TTN: variants seen among roughly 807,000 people sequenced by gnomAD.
TTN encodes the protein connectin.
Under a neutral mutation model 3,223.0 loss-of-function variants are expected in TTN, and 1,525 were observed. The observed-to-expected ratio is 0.47, with a 90% CI of 0.45 to 0.49. The LOEUF (loss-of-function observed/expected upper bound fraction) is 0.49, where lower values mean the gene tolerates loss of function less well. Among genes scored for constraint, TTN ranks in the 20% least tolerant of loss-of-function variants. The pLI is 0.00. For missense variants in TTN, 40,786 were observed against 43,424.0 expected, an observed-to-expected ratio of 0.94 and a Z score of 5.40; for synonymous variants, 14,094 against 15,161.0, an observed-to-expected ratio of 0.93 and a Z score of 5.17.
Position 178,728,761 on chromosome 2 carries a change from C to G in TTN, c.19165G>C (p.Glu6389Gln), listed in dbSNP as rs1256437537. 2.5e-6 allele frequency: 4 copies of G among 1,600,910 alleles called. No individual in the cohort carries two copies. The highest frequency in any genetic ancestry group is 2.2e-5 in the East Asian group (1 of 44,526). ...LLVQEPAQIV[E>Q]KAKSVDVTEK... ...GTAACATCAACTGATTTAGCTTTCT[C>G]TACGATTTGAGCTGGTTCTGTAGTA... The change falls in exon 66 of 363, where the codon GAG becomes CAG. Residue 6389 changes from glutamate to glutamine, a missense_variant. By Grantham distance (29) the Glu-to-Gln change is conservative. Transcript: ENST00000589042.
intron 66 of TTN, 21 bp downstream of exon 66, chr2:178,728,479 G>T: frequency 6.3e-7 from 1 of 1,594,124 alleles, no homozygotes; most frequent in Non-Finnish European, 8.6e-7. Flanking sequence ...AAGGGAAGCT[G>T]ACTGGGGTGA....
intron 38 of TTN, 133 bp from the exon 39 acceptor site, chr2:178,768,288 A>T: frequency 2.5e-6 from 3 of 1,193,604 alleles, no homozygotes; most frequent in Non-Finnish European, 2.4e-6. Context: ...TGTAGCCATC[A>T]CCATAATTTT....
intron 165 of TTN, 66 bp from the exon 166 acceptor site, chr2:178,664,992 A>G: frequency 6.6e-7 from 1 of 1,504,774 alleles, no homozygotes; most frequent in Non-Finnish European, 9.0e-7. Flanking sequence ...TAACCACAAT[A>G]AGTTAGGAAA....
In TTN at chr2:178,561,102, C is replaced by T. The variant is rs757065143; in HGVS notation, c.85030G>A (p.Gly28344Arg). 1 of 1,613,730 alleles carries T rather than the reference C, an allele frequency of 6.2e-7. No homozygotes were observed. Among genetic ancestry groups the T allele is most frequent in the Non-Finnish European group, 8.5e-7 (1 of 1,179,830 alleles). Residue 28344 changes from glycine (G) to arginine (R), a missense_variant, in exon 326 of 363, where the codon GGG becomes AGG. By Grantham distance (125) the Gly-to-Arg change is moderately radical. Transcript: ENST00000589042. ...ACATCATCTTTAACTATAATAGGCC[C>T]AGTGGATTCAGATGGCTCACTAACT... ...DSVSEPSEST[G>R]PIIVKDDVEP...
intron 122 of TTN, 21 bp from the exon 123 acceptor site, chr2:178,689,616 A>G: frequency 6.3e-7 from 1 of 1,579,286 alleles, no homozygotes; most frequent in Non-Finnish European, 8.6e-7. Context: ...CATTTTTAGA[A>G]TTGACTTTAT....
In TTN at chr2:178,740,032, G is replaced by T; in HGVS notation, c.13201C>A (p.Arg4401=). Residue 4401 remains arginine (R), a synonymous_variant, in exon 48 of 363, where the codon CGG becomes AGG. Coordinates refer to ENST00000589042, the MANE Select transcript of TTN (RefSeq NM_001267550.2). The stretch of plus-strand genomic sequence containing the variant: ...CTGGCCACGGCTGCTTGCAAAGCCC[G>T]GCAGATTTGAATTTTCAGGTTTAAT... ...QRLNLKIQIC[R]ALQAAVASEQ... 6.2e-7 allele frequency: 1 copy of T among 1,613,812 alleles called. No individual in the cohort carries two copies. Among genetic ancestry groups the T allele is most frequent in the South Asian group, 1.1e-5 (1 of 91,078 alleles).
chr2:178,693,844 CAA>C, intron 118 of TTN, 76 bp downstream of exon 118: 1 of 1,342,860 alleles, frequency 7.4e-7, no homozygotes, highest in South Asian at 1.3e-5. Context: ...TACACGATCA[CAA>C]ATTAGACAAC....
rs2053509362 is a variant in TTN at position 178,601,751 on chromosome 2, G to C, written c.55339C>G (p.Pro18447Ala). The C allele has an allele frequency of 1.9e-6, 3 of 1,608,218 alleles. No homozygotes were observed. The highest frequency in any genetic ancestry group is 2.7e-5 in the African/African-American group (2 of 74,478). ...TAENSSVIII[P>A]ECKRSHTGKY... ...CCTGTATGAGATCGTTTACACTCCGGAATAATAATTACTGAGGAGTTTTCA... is the reference window on the plus strand; with the variant it reads ...CCTGTATGAGATCGTTTACACTCCGCAATAATAATTACTGAGGAGTTTTCA... Residue 18447 changes from proline (P) to alanine (A), a missense_variant, in exon 286 of 363, where the codon CCG becomes GCG. Coordinates refer to ENST00000589042, the MANE Select transcript of TTN (RefSeq NM_001267550.2).
rs1477808512 is a variant in TTN at position 178,800,666 on chromosome 2, GGGT to G, written c.309_311del (p.Pro104del). On this transcript the variant is annotated inframe_deletion, in exon 4 of 363. Coordinates refer to ENST00000589042, the MANE Select transcript of TTN (RefSeq NM_001267550.2). ...TGCTCTGCAGTCGTTGAACGAAGTT[GGGT>G]GGTGCTGTCTCAGCTGCGGGGACAA... 1 of 1,609,294 alleles carries G rather than the reference GGGT, an allele frequency of 6.2e-7. No individual in the cohort carries two copies. The highest frequency in any genetic ancestry group is 1.7e-5 in the Admixed American group (1 of 59,730).
In TTN at chr2:178,775,113, C is replaced by T. The variant is rs1378587847; in HGVS notation, c.6598G>A (p.Glu2200Lys). 6.2e-6 allele frequency: 10 copies of T among 1,614,016 alleles called. No individual in the cohort carries two copies. The Middle Eastern group carries it at 6.6e-4, about 107-fold the overall frequency. Residue 2200 changes from glutamate to lysine, a missense_variant, in exon 29 of 363, where the codon GAA (glutamate) becomes AAA (lysine). Glu to Lys is a moderately conservative substitution (Grantham distance 56, BLOSUM62 1). Coordinates refer to ENST00000589042, the MANE Select transcript of TTN (RefSeq NM_001267550.2). Reference sequence around the variant, plus strand: ...TACCATTTCACTTTGACAAATGGTTCTGAAGTTTCACATTCAAAGGTTGCC... The same window carrying T: ...TACCATTTCACTTTGACAAATGGTTTTGAAGTTTCACATTCAAAGGTTGCC... Reference protein sequence around the residue: ...TMATFECETSEPFVKVKWYKD... With the variant: ...TMATFECETSKPFVKVKWYKD...
At position 178,588,216 on chromosome 2, in the gene TTN, G is replaced by A; in HGVS notation, c.63191C>T (p.Pro21064Leu). Residue 21064 changes from proline (P) to leucine (L), a missense_variant, in exon 305 of 363, where the codon CCA becomes CTA. Physicochemically the swap from Pro to Leu is moderately conservative, Grantham distance 98. Transcript: ENST00000589042. Reference sequence around the variant, plus strand: ...TCTGAAATTGGTTGGTGGACCAGGTGGCTCTGAAAGTAAAATATACATATA... The same window carrying A: ...TCTGAAATTGGTTGGTGGACCAGGTAGCTCTGAAAGTAAAATATACATATA... ...RPVVAKDPIEPPGPPTNFRVV... is the reference protein window; with the variant it reads ...RPVVAKDPIELPGPPTNFRVV... The A allele has an allele frequency of 6.4e-7, 1 of 1,560,874 alleles. No homozygotes were observed. Among genetic ancestry groups the A allele is most frequent in the Non-Finnish European group, 8.7e-7 (1 of 1,150,772 alleles).
chr2:178,599,545 A>T lies in TTN; in HGVS notation c.56347+9T>A. 6.5e-7 allele frequency: 1 copy of T among 1,539,048 alleles called. No individual in the cohort carries two copies. Among genetic ancestry groups the T allele is most frequent in the South Asian group, 1.3e-5 (1 of 76,812 alleles). On this transcript the variant is annotated intron_variant, in intron 289 of 362. Coordinates refer to ENST00000589042, the MANE Select transcript of TTN (RefSeq NM_001267550.2). ...ACAAGTAATTTTAACCAAACCATGC[A>T]GTCTTTACCCAGGACATTCAGTCTC...
rs750570694 is a variant in TTN at position 178,777,177 on chromosome 2, T to C, written c.4786A>G (p.Ile1596Val). 6.2e-7 allele frequency: 1 copy of C among 1,614,138 alleles called. No homozygotes were observed. The change falls in exon 27 of 363, where the codon ATT becomes GTT. Residue 1596 changes from isoleucine to valine, a missense_variant. Physicochemically the swap from Ile to Val is conservative, Grantham distance 29 (BLOSUM62 3). Coordinates refer to ENST00000589042, the MANE Select transcript of TTN (RefSeq NM_001267550.2). ...DIVWLKNSDI[I>V]VPHKYPKIRI... The stretch of plus-strand genomic sequence containing the variant: ...ATTTTGGGATATTTATGAGGCACAA[T>C]GATGTCACTGTTTTTCAACCATACA...
At position 178,562,039 on chromosome 2, in the gene TTN, T is replaced by C; in HGVS notation, c.84093A>G (p.Gly28031=). The C allele has an allele frequency of 6.2e-7, 1 of 1,613,424 alleles. No individual in the cohort carries two copies. Among genetic ancestry groups the C allele is most frequent in the Non-Finnish European group, 8.5e-7 (1 of 1,179,688 alleles). ...SIKEASKEDV[G]TYELCVSNSA... Reference sequence around the variant, plus strand: ...TGTTTGAAACACATAATTCATAAGTTCCAACATCTTCCTTTGAAGCTTCCT... The same window carrying C: ...TGTTTGAAACACATAATTCATAAGTCCCAACATCTTCCTTTGAAGCTTCCT... Residue 28031 remains glycine (G), a synonymous_variant, in exon 326 of 363, where the codon GGA becomes GGG. Coordinates refer to ENST00000589042, the MANE Select transcript of TTN (RefSeq NM_001267550.2).
At position 178,604,853 on chromosome 2, in the gene TTN, GCTT is replaced by G; in HGVS notation, c.54233_54235del (p.Lys18078_Ala18079delinsThr). ...ATCCCATGTCAAGTAGCAAGATTCA[GCTT>G]TAATGTCAGTAACAGCAAGATTTCT... On this transcript the variant is annotated inframe_deletion, in exon 281 of 363. Transcript: ENST00000589042. 1 of 1,612,388 alleles carries G rather than the reference GCTT, an allele frequency of 6.2e-7. No individual in the cohort carries two copies. The highest frequency in any genetic ancestry group is 8.5e-7 in the Non-Finnish European group (1 of 1,179,008).
chr2:178,663,469 G>C lies in TTN; in HGVS notation c.36580C>G (p.Pro12194Ala). 1 of 1,612,156 alleles carries C rather than the reference G, an allele frequency of 6.2e-7. No individual in the cohort carries two copies. The highest frequency in any genetic ancestry group is 8.5e-7 in the Non-Finnish European group (1 of 1,179,470). Residue 12194 changes from proline to alanine, a missense_variant, in exon 172 of 363, where the codon CCT (proline) becomes GCT (alanine). Pro to Ala is a conservative substitution (Grantham distance 27). Transcript: ENST00000589042. ...EVVPEKKVPV[P>A]PPKKPEVPPT... is the part of the protein sequence containing the mutation. ...GGCACTTCAGGCTTTTTAGGAGGAGGCACTGGCACTTTCTTTTCAGGAACA... is the reference window on the plus strand; with the variant it reads ...GGCACTTCAGGCTTTTTAGGAGGAGCCACTGGCACTTTCTTTTCAGGAACA...
Position 178,748,287 on chromosome 2 carries a change from G to A in TTN, c.11311+4837C>T, listed in dbSNP as rs755956493. On this transcript the variant is annotated intron_variant, in intron 47 of 362. Coordinates refer to ENST00000589042, the MANE Select transcript of TTN (RefSeq NM_001267550.2). ...TCTAAGTTTTGTTCCTGTACATGTC[G>A]GACTTCTTTTTCTAAAGAAATGGAA... is the stretch of plus-strand genomic sequence containing the variant. 2.4e-5 allele frequency: 39 copies of A among 1,612,468 alleles called. No individual in the cohort carries two copies. The highest frequency in any genetic ancestry group is 2.2e-4 in the Admixed American group (13 of 59,778).
At position 178,551,222 on chromosome 2, in the gene TTN, C is replaced by T; in HGVS notation, c.91309G>A (p.Glu30437Lys). The T allele has an allele frequency of 6.2e-7, 1 of 1,613,318 alleles. No homozygotes were observed. The highest frequency in any genetic ancestry group is 8.5e-7 in the Non-Finnish European group (1 of 1,179,646). ...GTPDYIDVTR[E>K]TITLKWNPPL... ...GGGTTCCATTTAAGTGTGATGGTTT[C>T]CCGGGTGACATCAATGTAGTCAGGA... is the stretch of plus-strand genomic sequence containing the variant. Residue 30437 changes from glutamate (E) to lysine (K), a missense_variant, in exon 336 of 363, where the codon GAA (glutamate) becomes AAA (lysine). Physicochemically the swap from Glu to Lys is moderately conservative, Grantham distance 56 (BLOSUM62 1). Coordinates refer to ENST00000589042, the MANE Select transcript of TTN (RefSeq NM_001267550.2).
In TTN at chr2:178,756,540, C is replaced by G. The variant is rs1421029806; in HGVS notation, c.10936G>C (p.Glu3646Gln). Residue 3646 changes from glutamate to glutamine, a missense_variant, in exon 46 of 363, where the codon GAG (glutamate) becomes CAG (glutamine). Transcript: ENST00000589042. Reference protein sequence around the residue: ...ASLSQIAESTELSKECAKEST... With the variant: ...ASLSQIAESTQLSKECAKEST... ...TCTTTAGCACATTCCTTAGATAGCT[C>G]AGTGCTTTCTGCAATTTGTGAAAGG... 6.2e-7 allele frequency: 1 copy of G among 1,612,098 alleles called. No individual in the cohort carries two copies. Among genetic ancestry groups the G allele is most frequent in the South Asian group, 1.1e-5 (1 of 90,982 alleles).
Sources: allele counts gnomAD v4.1 joint callset, GRCh38; gene constraint gnomAD v4.1.1; transcripts MANE v1.5; gene names NCBI Gene and HGNC (gene_info 2026-07-23, HGNC 2026-07-21).